The following CLNK variants were observed in gnomAD, a reference collection of about 807,000 sequenced individuals.
CLNK encodes the protein cytokine-dependent hematopoietic cell linker.
CLNK carries 74 observed loss-of-function variants against 68.6 expected under a neutral mutation model. The observed-to-expected ratio is 1.08, with a 90% CI of 0.89 to 1.31. The LOEUF is 1.31. CLNK is among the 50% of genes most tolerant of loss of function. The probability of loss-of-function intolerance (pLI) is 0.00; values close to 1 mark genes in which losing one functional copy is unlikely to be tolerated. For synonymous variants in CLNK, 198 were observed against 172.2 expected (o/e 1.15, Z -1.17); for missense variants, 553 against 515.3 (o/e 1.07, Z -0.71).
chr4:10,494,136 C>T (rs1716708382), intron 18 of CLNK, among the ~76,000 whole-genome samples: 1 of 152,158 alleles, frequency 6.6e-6, no homozygotes, highest in Admixed American at 6.5e-5. Flanking sequence ...AAACCAAGCA[C>T]AAAGTTTTCT....
intron 3 of CLNK, among the ~76,000 whole-genome samples, chr4:10,593,493 A>G (rs1314925090): frequency 6.6e-6 from 1 of 152,082 alleles, no homozygotes; most frequent in Non-Finnish European, 1.5e-5. Flanking sequence ...CATCTCTACT[A>G]AAAATACAAA....
chr4:10,546,427 C>T (rs1190896369), intron 8 of CLNK, among the ~76,000 whole-genome samples: 1 of 152,154 alleles, frequency 6.6e-6, no homozygotes, highest in Admixed American at 6.5e-5. Context: ...AAGTTCTTTG[C>T]CAATTTATAA....
the CLNK span, among the ~76,000 whole-genome samples, chr4:10,692,818 G>A: frequency 1.3e-5 from 2 of 152,182 alleles, no homozygotes; most frequent in South Asian, 2.1e-4. Context: ...ACCTACAAGA[G>A]CACTTGCTCA....
chr4:10,501,247 T>C lies in CLNK; in HGVS notation c.1140+9A>G. ...GCCTGGAACAGGGAGGCTGTTAAGT[T>C]ATACCCACCTCATCTCCTCTGAGTC... On this transcript the variant is annotated intron_variant, in intron 18 of 18. Coordinates refer to ENST00000226951, the MANE Select transcript of CLNK (RefSeq NM_052964.4). 1 of 1,559,138 alleles carries C rather than the reference T, an allele frequency of 6.4e-7. No homozygotes were observed. Among genetic ancestry groups the C allele is most frequent in the South Asian group, 1.2e-5 (1 of 80,650 alleles).
chr4:10,710,881 G>A, the CLNK span, among the ~76,000 whole-genome samples: 7 of 152,194 alleles, frequency 4.6e-5, no homozygotes, highest in Non-Finnish European at 8.8e-5. Context: ...GACAAATGAA[G>A]AATTTGATGA....
chr4:10,697,626 C>T, the CLNK span: 2 of 152,198 alleles, frequency 1.3e-5, no homozygotes, highest in Non-Finnish European at 2.9e-5. Flanking sequence ...AGAATGGCTT[C>T]TCATGCCAGA....
intron 15 of CLNK, among the ~76,000 whole-genome samples, chr4:10,516,427 T>A (rs1207868999): frequency 6.6e-6 from 1 of 152,184 alleles, no homozygotes; most frequent in Non-Finnish European, 1.5e-5. Flanking sequence ...ATACATGCCA[T>A]TTTCCATAAC....
intron 11 of CLNK, among the ~76,000 whole-genome samples, chr4:10,536,676 A>G (rs1463566254): frequency 1.3e-5 from 2 of 152,214 alleles, no homozygotes; most frequent in South Asian, 2.1e-4. Flanking sequence ...TAGGAAACAT[A>G]CTTTACAGGG....
rs188956834 is a variant in CLNK, at chr4:10,623,396, G to A, written c.12-25347C>T. ...AATGTTTGTTGAGCATCTCCTCACT[G>A]CCTCTGGGTAATACAATACGGTGGC... On this transcript the variant is annotated intron_variant, in intron 2 of 18. Coordinates refer to ENST00000226951, the MANE Select transcript of CLNK (RefSeq NM_052964.4). Among the ~76,000 whole-genome samples, 359 of 152,288 alleles carry A rather than the reference G, an allele frequency of 2.4e-3. 2 individuals carry two copies. Among genetic ancestry groups the A allele is most frequent in the Admixed American group, 8.8e-3 (134 of 15,302 alleles).
chr4:10,530,620 C>T (rs527360753), intron 12 of CLNK, among the ~76,000 whole-genome samples: 1 of 152,126 alleles, frequency 6.6e-6, no homozygotes, highest in East Asian at 1.9e-4. Flanking sequence ...CTAAGGCTGA[C>T]CCCCCATCTC....
At chr4:10,683,852 A>G (rs1388319579) in intron 1 of CLNK, among the ~76,000 whole-genome samples, 1 of 152,202 alleles carries the variant, frequency 6.6e-6, no homozygotes, top group Non-Finnish European at 1.5e-5. Context: ...GCGCCACAGT[A>G]TAGACAGAGA....
At chr4:10,608,042 A>G (rs1401305545) in intron 2 of CLNK, among the ~76,000 whole-genome samples, 3 of 152,210 alleles carry the variant, frequency 2.0e-5, no homozygotes, top group African/African-American at 7.2e-5. Context: ...GTCCCAAAAA[A>G]TCCATGTACT....
rs1400873378 is a variant in CLNK, at chr4:10,503,793, T to C, written c.985-2382A>G. On this transcript the variant is annotated intron_variant, in intron 17 of 18. Coordinates refer to ENST00000226951, the MANE Select transcript of CLNK (RefSeq NM_052964.4). ...GAGACTTTTTTTTTTTTTTTTTTTT[T>C]TTTTTTTGAGATGGAGTCTCCCTCT... Among the ~76,000 whole-genome samples the C allele has an allele frequency of 5.2e-5, 7 of 134,254 alleles. No homozygotes were observed. In the East Asian group the frequency reaches 1.3e-3, roughly 25 times the overall value. 88.1% of individuals were successfully genotyped at this position (134,254 alleles called of 152,430 possible). A position where few individuals can be genotyped will look rare whatever the true frequency, so the allele number is the denominator to read the frequency against.
chr4:10,652,476 A>G (rs1224164442), intron 2 of CLNK, among the ~76,000 whole-genome samples: 2 of 151,854 alleles, frequency 1.3e-5, no homozygotes, highest in East Asian at 3.8e-4. Context: ...CCAAAAATGT[A>G]AGAATAGAAA....
intron 2 of CLNK, among the ~76,000 whole-genome samples, chr4:10,621,152 G>A (rs974019401): frequency 6.6e-6 from 1 of 152,112 alleles, no homozygotes; most frequent in African/African-American, 2.4e-5. Flanking sequence ...GTCACCAAGA[G>A]GTAAGTGGCC....
chr4:10,558,581 G>A, intron 7 of CLNK, 129 bp from the exon 8 acceptor site: 2 of 806,118 alleles, frequency 2.5e-6, no homozygotes, highest in Admixed American at 2.1e-5. Context: ...GGTTTTCAAT[G>A]TATGGTTGGC....
the CLNK span, among the ~76,000 whole-genome samples, chr4:10,706,491 C>T: frequency 6.6e-5 from 10 of 152,318 alleles, 1 homozygote; most frequent in African/African-American, 2.4e-4. Context: ...GGAAATACTT[C>T]ATTTCAATTC....
At chr4:10,491,112 A>G (rs955784981) in intron 18 of CLNK, among the ~76,000 whole-genome samples, 1 of 152,224 alleles carries the variant, frequency 6.6e-6, no homozygotes, top group Non-Finnish European at 1.5e-5. Context: ...GATGAGTGAT[A>G]AGAATGATAA....
At chr4:10,559,130 A>T (rs1439352828) in intron 7 of CLNK, among the ~76,000 whole-genome samples, 1 of 152,218 alleles carries the variant, frequency 6.6e-6, no homozygotes, top group African/African-American at 2.4e-5. Context: ...CACAACTGGA[A>T]GACATAAAGG....
Sources: gnomAD v4.1 joint callset for allele counts (sites outside exome capture counted in the v4.1 genomes callset) on GRCh38, gnomAD v4.1.1 for gene constraint, MANE v1.5 for transcripts, NCBI Gene and HGNC (gene_info 2026-07-23, HGNC 2026-07-21) for gene names.